Variants in ZBTB12 observed in about 807,000 individuals in gnomAD.
ZBTB12 encodes the protein zinc finger and BTB domain-containing protein 12.
Under a neutral mutation model 6.4 loss-of-function variants are expected in ZBTB12, and 1 was observed. The observed-to-expected ratio is 0.16, with a 90% CI of 0.06 to 0.74. ZBTB12 has a LOEUF of 0.74. Among genes scored for constraint, ZBTB12 ranks in the 30% least tolerant of loss-of-function variants. The pLI is 0.78. For synonymous variants in ZBTB12, 273 were observed against 262.5 expected (o/e 1.04, Z -0.39); for missense variants, 344 against 613.9 (o/e 0.56, Z 4.65).
chr6:31,900,388 C>T lies in ZBTB12; in HGVS notation c.918G>A (p.Gly306=), dbSNP rs1767117764. The T allele has an allele frequency of 6.5e-7, 1 of 1,544,714 alleles. No individual in the cohort carries two copies. The highest frequency in any genetic ancestry group is 8.7e-7 in the Non-Finnish European group (1 of 1,144,914). ...EAAAVAMAAR[G]AGGSLGAGGS... is the part of the protein sequence containing the mutation. ...CCCCCGCCCCCAGGCTGCCCCCCGCCCCCCGGGCAGCCATGGCCACCGCTG... is the reference window on the plus strand; with the variant it reads ...CCCCCGCCCCCAGGCTGCCCCCCGCTCCCCGGGCAGCCATGGCCACCGCTG... The change falls in exon 2 of 2, where the codon GGG becomes GGA. Residue 306 remains glycine (G), a synonymous_variant. Coordinates refer to ENST00000375527, the MANE Select transcript of ZBTB12 (RefSeq NM_181842.3). The surrounding 1 kb of genome is among the most constrained non-coding windows in gnomAD (Gnocchi z 9.7).
Position 31,900,782 on chromosome 6 carries a change from G to A in ZBTB12, c.524C>T (p.Pro175Leu). Residue 175 changes from proline (P) to leucine (L), a missense_variant, in exon 2 of 2, where the codon CCA (proline) becomes CTA (leucine). Around this residue, in one of 5 missense-constraint regions of ZBTB12, gnomAD observed 241 missense variants for 315.4 expected, o/e 0.76. Transcript: ENST00000375527. This position sits in a 1 kb window ranked among gnomAD's most constrained non-coding sequence, Gnocchi z 9.7. The stretch of plus-strand genomic sequence containing the variant: ...CTCCAGCTTCACTGGCCGCAGGAGT[G>A]GAGGGGGTAGAGGAGGTGGGGGTGG... Reference protein sequence around the residue: ...KPPPPPPLPPPLLRPVKLEFP... With the variant: ...KPPPPPPLPPLLLRPVKLEFP... The A allele has an allele frequency of 6.3e-7, 1 of 1,593,364 alleles. No individual in the cohort carries two copies. Among genetic ancestry groups the A allele is most frequent in the East Asian group, 2.2e-5 (1 of 44,660 alleles).
In ZBTB12 at chr6:31,901,961, C is replaced by G. The variant is rs1458760412; in HGVS notation, c.-145G>C. 2 of 147,542 alleles carry G rather than the reference C, an allele frequency of 1.4e-5. No homozygotes were observed. The highest frequency in any genetic ancestry group is 3.0e-5 in the Non-Finnish European group (2 of 66,190). The allele number at this position is 147,542 out of a possible 1,614,324, so 9.1% of individuals were successfully genotyped here. A position where few individuals can be genotyped will look rare whatever the true frequency, so the allele number is the denominator to read the frequency against. On this transcript the variant is annotated 5_prime_UTR_variant, in exon 1 of 2. Coordinates refer to ENST00000375527, the MANE Select transcript of ZBTB12 (RefSeq NM_181842.3). ...CGCAGGCGCGGGGATGCACGGGACG[C>G]GCGCGCGCGCGGGGCCGGCTCCGCG...
chr6:31,901,460 C>T (rs754945420), intron 1 of ZBTB12, 135 bp from the exon 2 acceptor site: 36 of 908,630 alleles, frequency 4.0e-5, no homozygotes, highest in Non-Finnish European at 5.3e-5. Context: ...CCTCAGTTTC[C>T]CCAACCCTGG....
At position 31,901,254 on chromosome 6, in the gene ZBTB12, C is replaced by T. The variant is rs771080498; in HGVS notation, c.52G>A (p.Ala18Thr). Residue 18 changes from alanine (A) to threonine (T), a missense_variant, in exon 2 of 2, where the codon GCA becomes ACA. Around this residue, in one of 5 missense-constraint regions of ZBTB12, gnomAD observed 50 missense variants for 139.1 expected, o/e 0.36. Coordinates refer to ENST00000375527, the MANE Select transcript of ZBTB12 (RefSeq NM_181842.3). ...AGCTGGTTCATGTTCCGTAGCGTTG[C>T]GGCCTCGTGGCCGGGCAGCTGGAAG... ...LRFQLPGHEA[A>T]TLRNMNQLRA... The T allele has an allele frequency of 1.9e-5, 31 of 1,612,718 alleles. No individual in the cohort carries two copies. Among genetic ancestry groups the T allele is most frequent in the Admixed American group, 5.0e-5 (3 of 59,992 alleles).
Position 31,900,891 on chromosome 6 carries a change from T to C in ZBTB12, c.415A>G (p.Ser139Gly). ...PKIGLKEDGV[S>G]EASLVSSISA... ...ATGCTGCTCACAAGGCTAGCCTCACTGACCCCATCCTCTTTGAGGCCTATT... is the reference window on the plus strand; with the variant it reads ...ATGCTGCTCACAAGGCTAGCCTCACCGACCCCATCCTCTTTGAGGCCTATT... Residue 139 changes from serine to glycine, a missense_variant, in exon 2 of 2, where the codon AGT becomes GGT. By Grantham distance (56) the Ser-to-Gly change is moderately conservative. Transcript: ENST00000375527. This position sits in a 1 kb window ranked among gnomAD's most constrained non-coding sequence, Gnocchi z 9.7. 1 of 1,614,038 alleles carries C rather than the reference T, an allele frequency of 6.2e-7. No homozygotes were observed.
At position 31,900,232 on chromosome 6, in the gene ZBTB12, G is replaced by A; in HGVS notation, c.1074C>T (p.Ile358=). The A allele has an allele frequency of 1.9e-6, 3 of 1,614,106 alleles. No homozygotes were observed. The highest frequency in any genetic ancestry group is 2.7e-5 in the African/African-American group (2 of 75,062). The change falls in exon 2 of 2, where the codon ATC becomes ATT. Residue 358 remains isoleucine, a synonymous_variant. Transcript: ENST00000375527. This position sits in a 1 kb window ranked among gnomAD's most constrained non-coding sequence, Gnocchi z 9.7. ...LVFHMRAQHF[I]FMCPRCGKQF... ...GCTTGCCACAGCGAGGGCACATGAA[G>A]ATGAAGTGCTGCGCCCGCATGTGGA... is the stretch of plus-strand genomic sequence containing the variant.
In ZBTB12 at chr6:31,901,977, C is replaced by G. The variant is rs1424129886; in HGVS notation, c.-161G>C. On this transcript the variant is annotated 5_prime_UTR_variant, in exon 1 of 2. Coordinates refer to ENST00000375527, the MANE Select transcript of ZBTB12 (RefSeq NM_181842.3). ...CACGGGACGCGCGCGCGCGCGGGGC[C>G]GGCTCCGCGTGGGCGTAAGGGGGGA... The G allele has an allele frequency of 1.3e-5, 2 of 148,438 alleles. No individual in the cohort carries two copies. The highest frequency in any genetic ancestry group is 3.0e-5 in the Non-Finnish European group (2 of 66,610). The allele number at this position is 148,438 out of a possible 1,614,324, so 9.2% of individuals were successfully genotyped here.
At position 31,901,130 on chromosome 6, in the gene ZBTB12, C is replaced by T; in HGVS notation, c.176G>A (p.Arg59Gln). 2 of 1,613,918 alleles carry T rather than the reference C, an allele frequency of 1.2e-6. No individual in the cohort carries two copies. Among genetic ancestry groups the T allele is most frequent in the Non-Finnish European group, 1.7e-6 (2 of 1,180,030 alleles). The change falls in exon 2 of 2, where the codon CGG becomes CAG. Residue 59 changes from arginine to glutamine, a missense_variant. This residue lies in a region of ZBTB12 where 50 missense variants were observed against 139.1 expected (regional missense o/e 0.36). Coordinates refer to ENST00000375527, the MANE Select transcript of ZBTB12 (RefSeq NM_181842.3). The stretch of plus-strand genomic sequence containing the variant: ...GCTGGGGTTCAGCAGGAACTGGTCC[C>T]GCAGGAAGGGTGAGCAGGCGGCCAA... Reference protein sequence around the residue: ...VILAACSPFLRDQFLLNPSSE... With the variant: ...VILAACSPFLQDQFLLNPSSE...
rs182445071 is a variant in ZBTB12 at position 31,900,058 on chromosome 6, G to A, written c.1248C>T (p.Arg416=). The change falls in exon 2 of 2, where the codon CGC becomes CGT. Residue 416 remains arginine, a synonymous_variant. Transcript: ENST00000375527. The surrounding 1 kb of genome is among the most constrained non-coding windows in gnomAD (Gnocchi z 9.7). ...LNLHSGARPY[R]CSYCDVRFAH... ...CGAAGCGCACGTCGCAGTAGGAGCA[G>A]CGGTAGGGCCGCGCTCCCGAGTGCA... The A allele has an allele frequency of 3.0e-4, 481 of 1,613,204 alleles. 13 individuals are homozygous for A. The East Asian group carries it at 9.1e-3, about 31-fold the overall frequency.
Position 31,900,195 on chromosome 6 carries a change from T to G in ZBTB12, c.1111A>C (p.Ser371Arg). 6.2e-7 allele frequency: 1 copy of G among 1,614,200 alleles called. No individual in the cohort carries two copies. The highest frequency in any genetic ancestry group is 8.5e-7 in the Non-Finnish European group (1 of 1,180,044). The part of the protein sequence containing the change: ...CPRCGKQFNH[S>R]SNLNRHMNVH... The stretch of plus-strand genomic sequence containing the variant: ...TTCATGTGGCGGTTGAGGTTGCTGC[T>G]GTGGTTGAACTGCTTGCCACAGCGA... The change falls in exon 2 of 2, where the codon AGC becomes CGC. Residue 371 changes from serine to arginine, a missense_variant. Physicochemically the swap from Ser to Arg is moderately radical, Grantham distance 110 (BLOSUM62 -1). Around this residue, in one of 5 missense-constraint regions of ZBTB12, gnomAD observed 21 missense variants for 122.6 expected, o/e 0.17. Transcript: ENST00000375527. This position sits in a 1 kb window ranked among gnomAD's most constrained non-coding sequence, Gnocchi z 9.7.
At chr6:31,901,602 A>G (rs1767280296) in intron 1 of ZBTB12, among the ~76,000 whole-genome samples, 1 of 151,438 alleles carries the variant, frequency 6.6e-6, no homozygotes, top group Non-Finnish European at 1.5e-5. Flanking sequence ...ACGGAGAAAA[A>G]GGGGGGCCAG....
rs1581990421 is a variant in ZBTB12, at chr6:31,900,137, C to T, written c.1169G>A (p.Gly390Asp). The T allele has an allele frequency of 5.0e-6, 8 of 1,614,100 alleles. No homozygotes were observed. Among genetic ancestry groups the T allele is most frequent in the Non-Finnish European group, 6.8e-6 (8 of 1,179,966 alleles). Residue 390 changes from glycine to aspartate, a missense_variant, in exon 2 of 2, where the codon GGC becomes GAC. Transcript: ENST00000375527. This position sits in a 1 kb window ranked among gnomAD's most constrained non-coding sequence, Gnocchi z 9.7. ...CTGTGTGAAGCACTTGCCGCAGATG[C>T]CGCACGAGTGTGACTTGACACCACG... ...VHRGVKSHSC[G>D]ICGKCFTQKS... is the part of the protein sequence containing the mutation.
In ZBTB12 at chr6:31,900,609, G is replaced by A; in HGVS notation, c.697C>T (p.Leu233=). The part of the protein sequence containing the change: ...LKPPGGLGGG[L]GIGGSVGGHL... ...CCACCCACGGAGCCTCCAATGCCCA[G>A]ACCCCCTCCCAGGCCTCCAGGGGGT... The change falls in exon 2 of 2, where the codon CTG becomes TTG. Residue 233 remains leucine, a synonymous_variant. Transcript: ENST00000375527. This position sits in a 1 kb window ranked among gnomAD's most constrained non-coding sequence, Gnocchi z 9.7. 1 of 1,612,640 alleles carries A rather than the reference G, an allele frequency of 6.2e-7. No individual in the cohort carries two copies. Among genetic ancestry groups the A allele is most frequent in the Non-Finnish European group, 8.5e-7 (1 of 1,179,998 alleles).
Position 31,900,581 on chromosome 6 carries a change from T to C in ZBTB12, c.725A>G (p.His242Arg). ...GCTGCTCTGGGCCAGCTCCCCAAGG[T>C]GGCCACCCACGGAGCCTCCAATGCC... is the stretch of plus-strand genomic sequence containing the variant. Reference protein sequence around the residue: ...GLGIGGSVGGHLGELAQSSVP... With the variant: ...GLGIGGSVGGRLGELAQSSVP... Residue 242 changes from histidine to arginine, a missense_variant, in exon 2 of 2, where the codon CAC becomes CGC. Around this residue, in one of 5 missense-constraint regions of ZBTB12, gnomAD observed 241 missense variants for 315.4 expected, o/e 0.76. Transcript: ENST00000375527. This position sits in a 1 kb window ranked among gnomAD's most constrained non-coding sequence, Gnocchi z 9.7. 1 of 1,612,184 alleles carries C rather than the reference T, an allele frequency of 6.2e-7. No individual in the cohort carries two copies.
In ZBTB12 at chr6:31,900,550, G is replaced by A. The variant is rs553995880; in HGVS notation, c.756C>T (p.Pro252=). Residue 252 remains proline (P), a synonymous_variant, in exon 2 of 2, where the codon CCC becomes CCT. Coordinates refer to ENST00000375527, the MANE Select transcript of ZBTB12 (RefSeq NM_181842.3). The surrounding 1 kb of genome is among the most constrained non-coding windows in gnomAD (Gnocchi z 9.7). ...HLGELAQSSV[P]PSTVAPPQGV... ...CCTGCGGTGGGGCTACAGTGCTGGG[G>A]GGAACGCTGCTCTGGGCCAGCTCCC... is the stretch of plus-strand genomic sequence containing the variant. 1.2e-6 allele frequency: 2 copies of A among 1,612,090 alleles called. No homozygotes were observed. The highest frequency in any genetic ancestry group is 1.7e-6 in the Non-Finnish European group (2 of 1,179,842).
chr6:31,901,367 T>C (rs1767250246), intron 1 of ZBTB12, 42 bp from the exon 2 acceptor site: 1 of 1,512,376 alleles, frequency 6.6e-7, no homozygotes. Flanking sequence ...GGTCTCTGGC[T>C]CTCCGAAGCC....
In ZBTB12 at chr6:31,901,052, A is replaced by G; in HGVS notation, c.254T>C (p.Leu85Pro). 6.2e-7 allele frequency: 1 copy of G among 1,614,116 alleles called. No homozygotes were observed. The highest frequency in any genetic ancestry group is 8.5e-7 in the Non-Finnish European group (1 of 1,180,032). Reference sequence around the variant, plus strand: ...CAAGGCGCCCGTGTAGCAGGAGAGGAGCAAGTCGGCCACGATGCGTGCACT... The same window carrying G: ...CAAGGCGCCCGTGTAGCAGGAGAGGGGCAAGTCGGCCACGATGCGTGCACT... ...MHSARIVADL[L>P]LSCYTGALEF... Residue 85 changes from leucine to proline, a missense_variant, in exon 2 of 2, where the codon CTC (leucine) becomes CCC (proline). Physicochemically the swap from Leu to Pro is moderately conservative, Grantham distance 98. Coordinates refer to ENST00000375527, the MANE Select transcript of ZBTB12 (RefSeq NM_181842.3).
At position 31,900,448 on chromosome 6, in the gene ZBTB12, G is replaced by T; in HGVS notation, c.858C>A (p.Ala286=). The T allele has an allele frequency of 6.4e-7, 1 of 1,571,090 alleles. No homozygotes were observed. Among genetic ancestry groups the T allele is most frequent in the East Asian group, 2.4e-5 (1 of 42,310 alleles). ...EGLLLIPGGR[A]SVGATSGLVE... ...CCAGGCCCGAGGTGGCCCCCACGCT[G>T]GCCCGGCCTCCGGGAATCAACAGCA... The change falls in exon 2 of 2, where the codon GCC becomes GCA. Residue 286 remains alanine (A), a synonymous_variant. Transcript: ENST00000375527. The surrounding 1 kb of genome is among the most constrained non-coding windows in gnomAD (Gnocchi z 9.7).
At chr6:31,901,713 T>G in intron 1 of ZBTB12, 124 bp downstream of exon 1, 1 of 184,620 alleles carries the variant, frequency 5.4e-6, no homozygotes, top group Non-Finnish European at 1.1e-5. Flanking sequence ...CCTTACACGT[T>G]TGCACGCGCT....
Sources: gnomAD v4.1 joint callset for allele counts (sites outside exome capture counted in the v4.1 genomes callset) on GRCh38, gnomAD v4.1.1 for gene constraint, gnomAD v4.1.1 regional missense constraint, Gnocchi (gnomAD v3.1) non-coding constraint, MANE v1.5 for transcripts, NCBI Gene and HGNC (gene_info 2026-07-23, HGNC 2026-07-21) for gene names.